Variants in OSBPL9 observed in about 807,000 individuals in gnomAD.
OSBPL9 encodes the protein oxysterol binding protein like 9.
OSBPL9 carries 40 observed loss-of-function variants against 106.6 expected under a neutral mutation model. The ratio of observed to expected loss-of-function variants is 0.38; its 90% CI spans 0.29 to 0.49. OSBPL9 has a LOEUF of 0.49. Among genes scored for constraint, OSBPL9 ranks in the 20% least tolerant of loss-of-function variants. The probability of loss-of-function intolerance (pLI) is 0.97; values close to 1 mark genes in which losing one functional copy is unlikely to be tolerated. For synonymous variants in OSBPL9, 269 were observed against 295.4 expected (o/e 0.91, Z 0.92); for missense variants, 609 against 887.2 (o/e 0.69, Z 3.98).
intron 2 of OSBPL9, among the ~76,000 whole-genome samples, chr1:51,609,748 A>AT (rs778782937): frequency 0.014 from 1,717 of 119,360 alleles, 15 homozygotes; most frequent in Middle Eastern, 0.035. Context: ...CTGAATGTCT[A>AT]TTTTTTTTTT....
chr1:51,529,394 TG>T, the OSBPL9 span, among the ~76,000 whole-genome samples: 1 of 152,008 alleles, frequency 6.6e-6, no homozygotes, highest in African/African-American at 2.4e-5. Flanking sequence ...CCCGCCACCA[TG>T]CCTGGCTAAT....
intron 4 of OSBPL9, among the ~76,000 whole-genome samples, chr1:51,740,794 G>A (rs2148982433): frequency 6.6e-6 from 1 of 152,066 alleles, no homozygotes; most frequent in East Asian, 1.9e-4. Flanking sequence ...TTGCCCATAG[G>A]TTTCTTAATT....
upstream of OSBPL9, among the ~76,000 whole-genome samples, chr1:51,575,462 C>T (rs977176741): frequency 6.6e-6 from 1 of 151,742 alleles, no homozygotes; most frequent in Non-Finnish European, 1.5e-5. Context: ...CCGCCTGCCT[C>T]GGCCTCCCAA....
chr1:51,595,498 T>A (rs2148602484), intron 1 of OSBPL9, among the ~76,000 whole-genome samples: 1 of 152,038 alleles, frequency 6.6e-6, no homozygotes, highest in Admixed American at 6.5e-5. Context: ...CAGCATGGGG[T>A]CTCAGGGAAG....
the OSBPL9 span, among the ~76,000 whole-genome samples, chr1:51,522,481 C>T: frequency 2.4e-4 from 37 of 152,028 alleles, no homozygotes; most frequent in African/African-American, 8.7e-4. Context: ...AGGCCTAGAA[C>T]TTCTGAGAGA....
chr1:51,754,530 C>T (rs1571560394), intron 8 of OSBPL9, among the ~76,000 whole-genome samples: 1 of 152,130 alleles, frequency 6.6e-6, no homozygotes, highest in South Asian at 2.1e-4. Context: ...CAAATAAATA[C>T]TGTTGATTAC....
At chr1:51,700,865 C>T (rs1439933820) in intron 3 of OSBPL9, among the ~76,000 whole-genome samples, 1 of 152,028 alleles carries the variant, frequency 6.6e-6, no homozygotes, top group African/African-American at 2.4e-5. Context: ...GTGGATCTTG[C>T]CTGATGTAAT....
Position 51,776,860 on chromosome 1 carries a change from A to G in OSBPL9, c.1198A>G (p.Arg400Gly). Residue 400 changes from arginine to glycine, a missense_variant, in exon 15 of 24, where the codon AGA becomes GGA. Physicochemically the swap from Arg to Gly is moderately radical, Grantham distance 125. Around this residue, in one of 5 missense-constraint regions of OSBPL9, gnomAD observed 356 missense variants for 505.8 expected, o/e 0.70. Coordinates refer to ENST00000428468, the MANE Select transcript of OSBPL9 (RefSeq NM_024586.6). ...KVVLPTFILERRSLLEMYADF... is the reference protein window; with the variant it reads ...KVVLPTFILEGRSLLEMYADF... ...AGTTCTTCCAACGTTTATTCTTGAA[A>G]GAAGATCTCTTTTAGAAATGTATGC... is the stretch of plus-strand genomic sequence containing the variant. 1 of 1,612,460 alleles carries G rather than the reference A, an allele frequency of 6.2e-7. No homozygotes were observed. Among genetic ancestry groups the G allele is most frequent in the Non-Finnish European group, 8.5e-7 (1 of 1,178,598 alleles).
the OSBPL9 span, among the ~76,000 whole-genome samples, chr1:51,536,879 T>C: frequency 6.6e-6 from 1 of 152,230 alleles, no homozygotes; most frequent in Non-Finnish European, 1.5e-5. Context: ...TGGTGTTCAC[T>C]TTGATCAGCG....
intron 8 of OSBPL9, among the ~76,000 whole-genome samples, chr1:51,755,727 G>A (rs1382820670): frequency 6.6e-6 from 1 of 152,216 alleles, no homozygotes; most frequent in Non-Finnish European, 1.5e-5. Flanking sequence ...ATGCTGTTTG[G>A]TAGGTTAGAT....
chr1:51,657,183 T>C (rs1157744988), intron 2 of OSBPL9, among the ~76,000 whole-genome samples: 1 of 152,226 alleles, frequency 6.6e-6, no homozygotes, highest in East Asian at 1.9e-4. Context: ...TTGCCTTTAC[T>C]ATGGTTTGCA....
intron 4 of OSBPL9, among the ~76,000 whole-genome samples, chr1:51,726,508 C>T (rs139074193): frequency 6.6e-6 from 1 of 152,188 alleles, no homozygotes; most frequent in Non-Finnish European, 1.5e-5. Context: ...CATTATTGGG[C>T]TCCCTAGCAG....
At chr1:51,763,036 C>T (rs955148480) in intron 11 of OSBPL9, among the ~76,000 whole-genome samples, 2 of 152,100 alleles carry the variant, frequency 1.3e-5, no homozygotes, top group Non-Finnish European at 2.9e-5. Context: ...GATGGAGTCT[C>T]ACTCTGTTGC....
chr1:51,758,989 C>T (rs914947974), intron 9 of OSBPL9, among the ~76,000 whole-genome samples: 4 of 151,896 alleles, frequency 2.6e-5, no homozygotes, highest in Non-Finnish European at 4.4e-5. Context: ...TTTTGCAGAC[C>T]GGGAAACTGA....
intron 1 of OSBPL9, among the ~76,000 whole-genome samples, chr1:51,646,749 G>A (rs574128935): frequency 6.6e-6 from 1 of 152,250 alleles, no homozygotes; most frequent in South Asian, 2.1e-4. Flanking sequence ...TGGCCAGGCT[G>A]GTCTTGAACT....
In OSBPL9 at chr1:51,776,836, G is replaced by C. The variant is rs1675199322; in HGVS notation, c.1174G>C (p.Val392Leu). Residue 392 changes from valine (V) to leucine (L), a missense_variant, in exon 15 of 24, where the codon GTT becomes CTT. By Grantham distance (32) the Val-to-Leu change is conservative. Around this residue, in one of 5 missense-constraint regions of OSBPL9, gnomAD observed 356 missense variants for 505.8 expected, o/e 0.70. Transcript: ENST00000428468. ...VRLGMDLTKV[V>L]LPTFILERRS... ...GTCAAATGTGTATGTTTTTCAGGTA[G>C]TTCTTCCAACGTTTATTCTTGAAAG... The C allele has an allele frequency of 6.2e-7, 1 of 1,604,002 alleles. No individual in the cohort carries two copies. Among genetic ancestry groups the C allele is most frequent in the Non-Finnish European group, 8.5e-7 (1 of 1,171,832 alleles).
the OSBPL9 span, chr1:51,538,780 TC>T: frequency 6.6e-6 from 1 of 152,230 alleles, no homozygotes; most frequent in Non-Finnish European, 1.5e-5. Flanking sequence ...ACCACCCACT[TC>T]ACTGACCCTA....
intron 1 of OSBPL9, among the ~76,000 whole-genome samples, chr1:51,585,515 T>C (rs139378397): frequency 9.2e-5 from 14 of 152,312 alleles, no homozygotes; most frequent in African/African-American, 3.4e-4. Flanking sequence ...CAGTGGCTCA[T>C]GCATGTAATC....
chr1:51,561,617 A>AC, the OSBPL9 span: 1 of 152,208 alleles, frequency 6.6e-6, no homozygotes, highest in Non-Finnish European at 1.5e-5. Context: ...TTTTTCCAAA[A>AC]TAAAAAAAAC....
Sources: gnomAD v4.1 joint callset for allele counts (sites outside exome capture counted in the v4.1 genomes callset) on GRCh38, gnomAD v4.1.1 for gene constraint, gnomAD v4.1.1 regional missense constraint, MANE v1.5 for transcripts, NCBI Gene and HGNC (gene_info 2026-07-23, HGNC 2026-07-21) for gene names.